The following TRPM7 variants were observed in gnomAD, a reference collection of about 807,000 sequenced individuals.
TRPM7 encodes the protein transient receptor potential cation channel subfamily M member 7.
Under a neutral mutation model 229.7 loss-of-function variants are expected in TRPM7, and 134 were observed. The ratio of observed to expected loss-of-function variants is 0.58; its 90% CI spans 0.51 to 0.67. The LOEUF (loss-of-function observed/expected upper bound fraction) is 0.67. TRPM7 is among the 30% of genes least tolerant of loss of function. The pLI, the probability that TRPM7 is intolerant of heterozygous loss-of-function variation, is 0.00. For missense variants in TRPM7, 1,901 were observed against 2,210.0 expected, an observed-to-expected ratio of 0.86 and a Z score of 2.80; for synonymous variants, 699 against 715.2, an observed-to-expected ratio of 0.98 and a Z score of 0.36.
At chr15:50,566,466 G>T (rs2053601925) in intron 38 of TRPM7, among the ~76,000 whole-genome samples, 2 of 152,106 alleles carry the variant, frequency 1.3e-5, no homozygotes, top group African/African-American at 4.8e-5. Flanking sequence ...GGGAGGCCGA[G>T]TCGGGTAGAT....
At position 50,685,855 on chromosome 15, in the gene TRPM7, A is replaced by C. The variant is rs570889345; in HGVS notation, c.3+676T>G. 7.9e-4 allele frequency among the ~76,000 whole-genome samples: 121 copies of C among 152,252 alleles called. 1 individual carries two copies. The highest frequency in any genetic ancestry group is 2.8e-3 in the African/African-American group (118 of 41,548). On this transcript the variant is annotated intron_variant, in intron 1 of 38. Transcript: ENST00000646667. ...CTGGGGCAAGGGATGCGGTAGTTCGACTTAAATCCTGACTGACAGTACATT... is the reference window on the plus strand; with the variant it reads ...CTGGGGCAAGGGATGCGGTAGTTCGCCTTAAATCCTGACTGACAGTACATT...
intron 27 of TRPM7, among the ~76,000 whole-genome samples, chr15:50,589,174 T>C (rs987548562): frequency 6.6e-6 from 1 of 151,946 alleles, no homozygotes; most frequent in Non-Finnish European, 1.5e-5. Flanking sequence ...ATACAGAAAT[T>C]AGCCAGGCAT....
chr15:50,633,076 G>A, intron 8 of TRPM7, 84 bp from the exon 9 acceptor site: 4 of 1,260,398 alleles, frequency 3.2e-6, no homozygotes, highest in South Asian at 4.0e-5. Context: ...ATCCATGTAA[G>A]ACCTTTGAAA....
chr15:50,636,475 G>C (rs1351095804), intron 7 of TRPM7, among the ~76,000 whole-genome samples: 2 of 152,202 alleles, frequency 1.3e-5, no homozygotes, highest in Non-Finnish European at 2.9e-5. Context: ...ATAGGCATGA[G>C]CCAGCACGCC....
intron 12 of TRPM7, among the ~76,000 whole-genome samples, chr15:50,621,401 T>C (rs537395045): frequency 3.9e-4 from 60 of 152,258 alleles, no homozygotes; most frequent in African/African-American, 1.4e-3. Context: ...CTCTATTAAA[T>C]GTTTATCCAT....
chr15:50,609,052 A>G (rs1344410534), intron 19 of TRPM7, among the ~76,000 whole-genome samples: 1 of 152,166 alleles, frequency 6.6e-6, no homozygotes, highest in Non-Finnish European at 1.5e-5. Context: ...AGTAAAATCA[A>G]TTTTTCCATA....
chr15:50,651,553 T>C (rs1435469838), intron 3 of TRPM7, among the ~76,000 whole-genome samples: 1 of 152,134 alleles, frequency 6.6e-6, no homozygotes, highest in African/African-American at 2.4e-5. Context: ...TCCCAGCACT[T>C]TGGGAGGCCG....
chr15:50,588,821 T>C (rs1481857435), intron 27 of TRPM7, among the ~76,000 whole-genome samples: 2 of 152,236 alleles, frequency 1.3e-5, no homozygotes, highest in Non-Finnish European at 2.9e-5. Context: ...TACACCTTTT[T>C]TGCCAGCTGT....
intron 3 of TRPM7, among the ~76,000 whole-genome samples, chr15:50,650,643 C>T (rs34525323): frequency 2.0e-5 from 3 of 151,000 alleles, no homozygotes; most frequent in African/African-American, 7.3e-5. Context: ...TGTGGTGAGC[C>T]GAGATCGTGC....
chr15:50,640,056 A>G (rs2061044777), intron 5 of TRPM7, among the ~76,000 whole-genome samples: 1 of 152,160 alleles, frequency 6.6e-6, no homozygotes, highest in Admixed American at 6.6e-5. Context: ...TTACCATGTT[A>G]TTTGGTCTAG....
chr15:50,587,562 TTTTTTC>T (rs941216424), intron 27 of TRPM7, among the ~76,000 whole-genome samples: 4 of 152,032 alleles, frequency 2.6e-5, no homozygotes, highest in Admixed American at 1.3e-4. Flanking sequence ...TTTCAGCACG[TTTTTTC>T]TTTAAGTTCA....
intron 13 of TRPM7, among the ~76,000 whole-genome samples, chr15:50,615,027 T>C (rs2060180860): frequency 6.6e-6 from 1 of 151,608 alleles, no homozygotes; most frequent in South Asian, 2.1e-4. Context: ...TAAAATTAGA[T>C]GGGCATGGTG....
chr15:50,648,566 G>T, intron 4 of TRPM7, 121 bp downstream of exon 4: 1 of 770,906 alleles, frequency 1.3e-6, no homozygotes, highest in Non-Finnish European at 2.0e-6. Flanking sequence ...ATGCACCTTT[G>T]TACTTTAAAA....
In TRPM7 at chr15:50,629,181, T is replaced by C. The variant is rs1024197448; in HGVS notation, c.1205-932A>G. Among the ~76,000 whole-genome samples the C allele has an allele frequency of 8.1e-5, 11 of 135,254 alleles. 1 individual carries two copies. The highest frequency in any genetic ancestry group is 4.5e-4 in the South Asian group (2 of 4,422). The allele number at this position is 135,254 out of a possible 152,430, so 88.7% of individuals were successfully genotyped here. ...GATATATACTTTAAGGTTTTTGATA[T>C]ACTCCAAAATACTTCAGATTGCTTC... On this transcript the variant is annotated intron_variant, in intron 10 of 38. Transcript: ENST00000646667.
In TRPM7 at chr15:50,612,566, TTCTTC is replaced by T; in HGVS notation, c.2029_2033del (p.Glu677ThrfsTer7). The T allele has an allele frequency of 6.2e-7, 1 of 1,610,164 alleles. No individual in the cohort carries two copies. The highest frequency in any genetic ancestry group is 1.7e-4 in the Middle Eastern group (1 of 6,040). On this transcript the variant is annotated frameshift_variant, in exon 16 of 39. Transcript: ENST00000646667. LOFTEE classifies it high-confidence loss of function. ...CCACTTACTTGGAATACTGTTTTAG[TTCTTC>T]TGAAGTATCATCTACCAGGTCACTC...
chr15:50,562,756 G>A (rs956594085), intron 38 of TRPM7, among the ~76,000 whole-genome samples: 2 of 149,360 alleles, frequency 1.3e-5, no homozygotes, highest in African/African-American at 5.0e-5. Flanking sequence ...CTGGGCGACA[G>A]AGTGAGATCC....
intron 4 of TRPM7, among the ~76,000 whole-genome samples, chr15:50,644,033 G>A (rs1260072192): frequency 1.3e-5 from 2 of 152,178 alleles, no homozygotes; most frequent in Non-Finnish European, 2.9e-5. Context: ...CAATGATCTA[G>A]TCCATTTATA....
At chr15:50,631,602 G>C in intron 9 of TRPM7, 113 bp from the exon 10 acceptor site, 1 of 556,288 alleles carries the variant, frequency 1.8e-6, no homozygotes, top group South Asian at 3.0e-5. Flanking sequence ...TATGTATCTA[G>C]GAATCTATGT....
At chr15:50,594,137 T>C (rs1365489978) in intron 24 of TRPM7, among the ~76,000 whole-genome samples, 1 of 152,208 alleles carries the variant, frequency 6.6e-6, no homozygotes, top group Non-Finnish European at 1.5e-5. Context: ...ACTAAAATTG[T>C]TATTGTTTAC....
Sources: gnomAD v4.1 joint callset for allele counts (sites outside exome capture counted in the v4.1 genomes callset) on GRCh38, gnomAD v4.1.1 for gene constraint, MANE v1.5 for transcripts, NCBI Gene and HGNC (gene_info 2026-07-23, HGNC 2026-07-21) for gene names.